The following NCOA7 variants were observed in gnomAD, a reference collection of about 807,000 sequenced individuals.
The protein encoded by NCOA7 is nuclear receptor coactivator 7, also known as 140 kDa estrogen receptor-associated protein.
Under a neutral mutation model 104.3 loss-of-function variants are expected in NCOA7, and 45 were observed. The observed-to-expected ratio is 0.43, with a 90% CI of 0.34 to 0.55. The LOEUF is 0.55. NCOA7 is among the 20% of genes least tolerant of loss of function. The probability of loss-of-function intolerance (pLI) is 0.02; values close to 1 mark genes in which losing one functional copy is unlikely to be tolerated. For missense variants in NCOA7, 1,041 were observed against 1,119.7 expected, an observed-to-expected ratio of 0.93 and a Z score of 1.00; for synonymous variants, 398 against 402.3, an observed-to-expected ratio of 0.99 and a Z score of 0.13.
In NCOA7 at chr6:125,805,459, G is replaced by A. The variant is rs182732115; in HGVS notation, c.-64-9832G>A. ...AACCAGGCATTGATGTGAAAATTAT[G>A]TGTAGTAATAGCCCACCCTTACAGG... On this transcript the variant is annotated intron_variant, in intron 1 of 15. Transcript: ENST00000392477. Among the ~76,000 whole-genome samples, 12 of 152,252 alleles carry A rather than the reference G, an allele frequency of 7.9e-5. No individual in the cohort carries two copies. In the South Asian group the frequency reaches 2.5e-3, roughly 32 times the overall value.
intron 2 of NCOA7, among the ~76,000 whole-genome samples, chr6:125,823,759 A>G (rs1023987036): frequency 3.3e-5 from 5 of 152,184 alleles, no homozygotes; most frequent in Admixed American, 6.5e-5. Context: ...GTAAAATACT[A>G]CAAGCTGTGG....
upstream of NCOA7, among the ~76,000 whole-genome samples, chr6:125,786,464 C>A (rs1290025563): frequency 6.6e-6 from 1 of 152,096 alleles, no homozygotes; most frequent in Non-Finnish European, 1.5e-5. Flanking sequence ...CTCCCAAATT[C>A]TCCTAAGTGA....
chr6:125,824,404 G>C (rs1419907702), intron 2 of NCOA7, among the ~76,000 whole-genome samples: 1 of 152,044 alleles, frequency 6.6e-6, no homozygotes, highest in East Asian at 1.9e-4. Flanking sequence ...GTGGAGCTTT[G>C]GGTCTAGTTT....
chr6:125,903,588 T>TGTTG (rs1327453246), intron 10 of NCOA7, among the ~76,000 whole-genome samples: 9 of 152,366 alleles, frequency 5.9e-5, no homozygotes, highest in African/African-American at 1.9e-4. Context: ...TACTACTGTT[T>TGTTG]ACTTAATGGT....
In NCOA7 at chr6:125,868,488, C is replaced by T. The variant is rs79804277; in HGVS notation, c.272-6401C>T. Among the ~76,000 whole-genome samples, 474 of 152,340 alleles carry T rather than the reference C, an allele frequency of 3.1e-3. 1 individual carries two copies. Among genetic ancestry groups the T allele is most frequent in the African/African-American group, 0.011 (450 of 41,576 alleles). On this transcript the variant is annotated intron_variant, in intron 3 of 15. Coordinates refer to ENST00000392477, the MANE Select transcript of NCOA7 (RefSeq NM_181782.5). ...AACCGTTGCACAAAGATTTAGCTAA[C>T]TTGATTAATATCACGTGGCTATGAA...
At chr6:125,842,471 C>T (rs1217985736) in intron 2 of NCOA7, among the ~76,000 whole-genome samples, 1 of 152,102 alleles carries the variant, frequency 6.6e-6, no homozygotes, top group Non-Finnish European at 1.5e-5. Flanking sequence ...ATGCTGCTTT[C>T]TATAAGATTC....
rs112849953 is a variant in NCOA7 at position 125,924,914 on chromosome 6, G to A, written c.2523+2080G>A. Among the ~76,000 whole-genome samples the A allele has an allele frequency of 8.2e-3, 1,252 of 152,244 alleles. 17 individuals are homozygous for A. The highest frequency in any genetic ancestry group is 0.028 in the African/African-American group (1,169 of 41,524). The stretch of plus-strand genomic sequence containing the variant: ...ATTTCTTATCTCCCACCCAAGATCA[G>A]TGTTTCTGAGGCTAAAATCCAAGCA... On this transcript the variant is annotated intron_variant, in intron 13 of 15. Transcript: ENST00000392477.
In NCOA7 at chr6:125,904,324, T is replaced by C. The variant is rs1435065899; in HGVS notation, c.2097-11009T>C. On this transcript the variant is annotated intron_variant, in intron 10 of 15. Coordinates refer to ENST00000392477, the MANE Select transcript of NCOA7 (RefSeq NM_181782.5). ...GTTGTGTTGGCACTGTGCTAACATT[T>C]TTTTGTTTACTCTCCACCACCTGAG... Among the ~76,000 whole-genome samples, 5 of 152,288 alleles carry C rather than the reference T, an allele frequency of 3.3e-5. 1 individual carries two copies. In the South Asian group the frequency reaches 6.2e-4, roughly 19 times the overall value.
At chr6:125,830,749 GTGTGTGTGTGTA>G (rs974335364) in intron 2 of NCOA7, among the ~76,000 whole-genome samples, 6 of 149,142 alleles carry the variant, frequency 4.0e-5, no homozygotes, top group South Asian at 2.1e-4. Context: ...GTGTGTGTGT[GTGTGTGTGTGTA>G]TGTGTGTGTG....
intron 4 of NCOA7, chr6:125,875,520 G>A (rs1255710334): frequency 6.6e-6 from 1 of 152,250 alleles, no homozygotes; most frequent in African/African-American, 2.4e-5. Flanking sequence ...CTCCATGCTT[G>A]GTCGTCTTTC....
chr6:125,786,918 A>AGATG (rs1379342793), upstream of NCOA7, among the ~76,000 whole-genome samples: 1 of 152,118 alleles, frequency 6.6e-6, no homozygotes, highest in Non-Finnish European at 1.5e-5. Context: ...AGACTGAGGC[A>AGATG]GATGGATTGC....
At chr6:125,827,646 C>T (rs771427913) in intron 2 of NCOA7, among the ~76,000 whole-genome samples, 16 of 152,048 alleles carry the variant, frequency 1.1e-4, no homozygotes, top group Non-Finnish European at 1.6e-4. Context: ...CAGGAGTTCA[C>T]CAGGTAATCT....
intron 2 of NCOA7, among the ~76,000 whole-genome samples, chr6:125,823,635 T>A (rs1330726001): frequency 6.6e-6 from 1 of 152,216 alleles, no homozygotes; most frequent in East Asian, 1.9e-4. Context: ...TTTCAGGAAA[T>A]CATTAACTTT....
intron 2 of NCOA7, among the ~76,000 whole-genome samples, chr6:125,824,209 C>T (rs1010439270): frequency 3.9e-5 from 6 of 152,108 alleles, no homozygotes; most frequent in South Asian, 2.1e-4. Flanking sequence ...CTAATTTCAA[C>T]GAATAATCAC....
At chr6:125,928,305 G>A in intron 15 of NCOA7, 58 bp downstream of exon 15, 2 of 1,489,018 alleles carry the variant, frequency 1.3e-6, no homozygotes, top group Non-Finnish European at 1.8e-6. Context: ...ACCTGAGTGG[G>A]TCTGTTTTGA....
At position 125,901,584 on chromosome 6, in the gene NCOA7, C is replaced by T. The variant is rs527304091; in HGVS notation, c.2096+10774C>T. Among the ~76,000 whole-genome samples, 3 of 152,290 alleles carry T rather than the reference C, an allele frequency of 2.0e-5. No individual in the cohort carries two copies. In the South Asian group the frequency reaches 6.2e-4, roughly 32 times the overall value. On this transcript the variant is annotated intron_variant, in intron 10 of 15. Coordinates refer to ENST00000392477, the MANE Select transcript of NCOA7 (RefSeq NM_181782.5). ...GGCACCAGTGGGAATGAACCCTGTA[C>T]CAGCCCATAGTAGCGTCTAGGGGTT...
intron 3 of NCOA7, among the ~76,000 whole-genome samples, chr6:125,868,154 A>T (rs1782590830): frequency 6.6e-6 from 1 of 152,244 alleles, no homozygotes; most frequent in Admixed American, 6.5e-5. Context: ...AAAATACAAT[A>T]ATGGCTGTTT....
At chr6:125,791,314 G>A (rs1269547010) in intron 1 of NCOA7, among the ~76,000 whole-genome samples, 4 of 152,266 alleles carry the variant, frequency 2.6e-5, no homozygotes, top group African/African-American at 7.2e-5. Context: ...TGGGGGGCTC[G>A]TGGGGGTGCG....
chr6:125,889,282 C>T lies in NCOA7; in HGVS notation c.1228C>T (p.Leu410=). 6.2e-7 allele frequency: 1 copy of T among 1,614,052 alleles called. No individual in the cohort carries two copies. The change falls in exon 9 of 16, where the codon CTA becomes TTA. Residue 410 remains leucine, a synonymous_variant. Transcript: ENST00000392477. ...TGAATCTACAGCCAAAGAAAACTTT[C>T]TAGGGGAAGATGATGATTTTGTTGA... is the stretch of plus-strand genomic sequence containing the variant. The part of the protein sequence containing the change: ...AFESTAKENF[L]GEDDDFVDLE...
Sources: allele counts gnomAD v4.1 joint callset (sites outside exome capture counted in the v4.1 genomes callset), GRCh38; gene constraint gnomAD v4.1.1; transcripts MANE v1.5; gene names NCBI Gene and HGNC (gene_info 2026-07-23, HGNC 2026-07-21).